Variants in TACR3 observed in about 807,000 individuals in gnomAD.
The protein encoded by TACR3 is neuromedin-K receptor.
A neutral mutation model predicts 35.0 loss-of-function variants in TACR3; 34 were observed. The observed-to-expected ratio is 0.97, with a 90% CI of 0.74 to 1.30. The LOEUF (loss-of-function observed/expected upper bound fraction) is 1.30. Among genes scored for constraint, TACR3 ranks in the 50% most tolerant of loss-of-function variants. TACR3 has a pLI of 0.00. For synonymous variants in TACR3, 233 were observed against 221.1 expected (o/e 1.05, Z -0.48); for missense variants, 558 against 591.7 (o/e 0.94, Z 0.59).
rs1043475660 is a variant in TACR3, at chr4:103,637,288, C to A, written c.888+18906G>T. 4.6e-5 allele frequency among the ~76,000 whole-genome samples: 7 copies of A among 151,868 alleles called. No homozygotes were observed. In the East Asian group the frequency reaches 1.2e-3, roughly 25 times the overall value. On this transcript the variant is annotated intron_variant, in intron 3 of 4. Transcript: ENST00000304883. ...GGGATGCAAGACTGGTTCAACATACCCAAATCAATAAATGTAATCCAGCAT... is the reference window on the plus strand; with the variant it reads ...GGGATGCAAGACTGGTTCAACATACACAAATCAATAAATGTAATCCAGCAT...
At chr4:103,659,926 C>T (rs887064617) in intron 1 of TACR3, among the ~76,000 whole-genome samples, 4 of 151,984 alleles carry the variant, frequency 2.6e-5, no homozygotes, top group South Asian at 2.1e-4. Flanking sequence ...TAATAAAACA[C>T]GATCTTTATG....
intron 1 of TACR3, among the ~76,000 whole-genome samples, chr4:103,673,399 T>C (rs928952745): frequency 6.6e-6 from 1 of 152,142 alleles, no homozygotes; most frequent in African/African-American, 2.4e-5. Flanking sequence ...GGTTATTAAT[T>C]GGCTTAATTT....
At chr4:103,599,927 G>A (rs1434392643) in intron 3 of TACR3, among the ~76,000 whole-genome samples, 1 of 152,004 alleles carries the variant, frequency 6.6e-6, no homozygotes, top group Non-Finnish European at 1.5e-5. Flanking sequence ...TTTTTTGGTT[G>A]TGTCTCTGCT....
chr4:103,687,399 C>A (rs1363499190), intron 1 of TACR3, among the ~76,000 whole-genome samples: 1 of 151,840 alleles, frequency 6.6e-6, no homozygotes, highest in African/African-American at 2.4e-5. Context: ...CTGGCCAGGG[C>A]AATTAGGCAG....
At chr4:103,627,549 T>A (rs532159543) in intron 3 of TACR3, among the ~76,000 whole-genome samples, 23 of 151,486 alleles carry the variant, frequency 1.5e-4, no homozygotes, top group African/African-American at 3.9e-4. Flanking sequence ...AATAAATTTT[T>A]AAAAAAAGTC....
chr4:103,644,957 A>G (rs79818877), intron 3 of TACR3, among the ~76,000 whole-genome samples: 8,588 of 151,852 alleles, frequency 0.057, 848 homozygotes, highest in African/African-American at 0.2. Context: ...TATGAGCTTG[A>G]ACATCTCCAT....
intron 3 of TACR3, among the ~76,000 whole-genome samples, chr4:103,617,669 C>G (rs890747856): frequency 1.1e-4 from 16 of 152,064 alleles, no homozygotes; most frequent in Admixed American, 6.5e-5. Flanking sequence ...CAAAATGATT[C>G]ATTATCGTTT....
At chr4:103,610,381 G>A (rs1327462126) in intron 3 of TACR3, among the ~76,000 whole-genome samples, 1 of 151,924 alleles carries the variant, frequency 6.6e-6, no homozygotes, top group Non-Finnish European at 1.5e-5. Flanking sequence ...TAGTGATGTT[G>A]AGCATTGTTT....
intron 1 of TACR3, among the ~76,000 whole-genome samples, chr4:103,666,509 C>T (rs1327504581): frequency 1.3e-5 from 2 of 152,016 alleles, no homozygotes; most frequent in Admixed American, 1.3e-4. Flanking sequence ...TCTATTTTAA[C>T]AATAAAAGTA....
At chr4:103,715,014 T>G (rs547361673) in intron 1 of TACR3, among the ~76,000 whole-genome samples, 1 of 152,220 alleles carries the variant, frequency 6.6e-6, no homozygotes, top group Non-Finnish European at 1.5e-5. Flanking sequence ...CCAATTTTTA[T>G]CTACTTGGCC....
At chr4:103,719,040 C>A in intron 1 of TACR3, 88 bp downstream of exon 1, 1 of 1,554,084 alleles carries the variant, frequency 6.4e-7, no homozygotes, top group East Asian at 2.3e-5. Flanking sequence ...GACCCCGTTA[C>A]GTTACTATTT....
intron 3 of TACR3, among the ~76,000 whole-genome samples, chr4:103,631,995 G>T (rs1359242466): frequency 4.0e-5 from 6 of 151,680 alleles, no homozygotes; most frequent in Non-Finnish European, 7.4e-5. Flanking sequence ...TGTTACATGG[G>T]GTCTAATTGT....
In TACR3 at chr4:103,601,685, CT is replaced by C. The variant is rs1466660941; in HGVS notation, c.889-10003del. Among the ~76,000 whole-genome samples the C allele has an allele frequency of 9.0e-4, 137 of 152,260 alleles. 1 individual carries two copies. The highest frequency in any genetic ancestry group is 2.9e-4 in the Non-Finnish European group (20 of 68,022). On this transcript the variant is annotated intron_variant, in intron 3 of 4. Transcript: ENST00000304883. ...GATATGAAATTCTGGGATGAAAATT[CT>C]TTTCTTTAAAAATGTTGAATATTGG...
At chr4:103,681,338 A>G (rs974517124) in intron 1 of TACR3, among the ~76,000 whole-genome samples, 1 of 152,096 alleles carries the variant, frequency 6.6e-6, no homozygotes, top group African/African-American at 2.4e-5. Flanking sequence ...TAAATATAAC[A>G]TCAGAAATTT....
chr4:103,684,041 A>G (rs575645637), intron 1 of TACR3, among the ~76,000 whole-genome samples: 2 of 152,298 alleles, frequency 1.3e-5, no homozygotes, highest in African/African-American at 4.8e-5. Context: ...AATTTAATAT[A>G]AACTCTCAGC....
intron 3 of TACR3, among the ~76,000 whole-genome samples, chr4:103,608,072 GAAAAT>G (rs1724424529): frequency 6.6e-6 from 1 of 152,094 alleles, no homozygotes; most frequent in African/African-American, 2.4e-5. Flanking sequence ...ATACCTAAAA[GAAAAT>G]AAATCATTCT....
In TACR3 at chr4:103,719,213, C is replaced by T. The variant is rs200656206; in HGVS notation, c.463G>A (p.Ala155Thr). ...YALHSEWYFGANYCRFQNFFP... is the reference protein window; with the variant it reads ...YALHSEWYFGTNYCRFQNFFP... The stretch of plus-strand genomic sequence containing the variant: ...AAGTTCTGGAAGCGGCAGTAGTTGG[C>T]GCCAAAGTACCACTCGCTATGAAGC... Residue 155 changes from alanine to threonine, a missense_variant, in exon 1 of 5, where the codon GCC (alanine) becomes ACC (threonine). Physicochemically the swap from Ala to Thr is moderately conservative, Grantham distance 58. Transcript: ENST00000304883. 4 of 1,614,028 alleles carry T rather than the reference C, an allele frequency of 2.5e-6. No homozygotes were observed. Among genetic ancestry groups the T allele is most frequent in the Admixed American group, 1.7e-5 (1 of 60,006 alleles).
chr4:103,623,519 G>A lies in TACR3; in HGVS notation c.889-31836C>T, dbSNP rs541256209. Among the ~76,000 whole-genome samples the A allele has an allele frequency of 7.2e-5, 11 of 152,148 alleles. No individual in the cohort carries two copies. The South Asian group carries it at 2.3e-3, about 32-fold the overall frequency. On this transcript the variant is annotated intron_variant, in intron 3 of 4. Coordinates refer to ENST00000304883, the MANE Select transcript of TACR3 (RefSeq NM_001059.3). ...ATAAAAATTTGATAACATGACTATA[G>A]CAAAACGTATCTGAACTATATGTCC...
chr4:103,599,060 A>C (rs1360003356), intron 3 of TACR3, among the ~76,000 whole-genome samples: 1 of 152,228 alleles, frequency 6.6e-6, no homozygotes, highest in African/African-American at 2.4e-5. Context: ...GGCCATTTTC[A>C]CAATATTGAT....
Sources: allele counts gnomAD v4.1 joint callset (sites outside exome capture counted in the v4.1 genomes callset), GRCh38; gene constraint gnomAD v4.1.1; transcripts MANE v1.5; gene names NCBI Gene and HGNC (gene_info 2026-07-23, HGNC 2026-07-21).